Variants in LRRD1 observed in about 807,000 individuals in gnomAD.
LRRD1 encodes leucine-rich repeat and death domain-containing protein 1.
Under a neutral mutation model 69.5 loss-of-function variants are expected in LRRD1, and 49 were observed. The observed-to-expected ratio is 0.70, with a 90% confidence interval of 0.56 to 0.89. The LOEUF (loss-of-function observed/expected upper bound fraction) is 0.89. LRRD1 is among the 40% of genes least tolerant of loss of function. The pLI, the probability that LRRD1 is intolerant of heterozygous loss-of-function variation, is 0.00. For missense variants in LRRD1, 853 were observed against 956.0 expected (o/e 0.89, Z 1.42); for synonymous variants, 303 against 338.9 (o/e 0.89, Z 1.16).
At chr7:92,149,898 C>G in intron 4 of LRRD1, 1 of 456,624 alleles carries the variant, frequency 2.2e-6, no homozygotes, top group Non-Finnish European at 4.4e-6. Flanking sequence ...CAGATTGGAA[C>G]TGACAGATTT....
intron 1 of LRRD1, among the ~76,000 whole-genome samples, chr7:92,173,571 A>G (rs376495116): frequency 6.6e-6 from 1 of 152,350 alleles, no homozygotes; most frequent in East Asian, 1.9e-4. Context: ...CAAGAGGTAT[A>G]TTAAAAAATG....
At position 92,164,939 on chromosome 7, in the gene LRRD1, A is replaced by G; in HGVS notation, c.264T>C (p.Ser88=). 6.4e-7 allele frequency: 1 copy of G among 1,551,512 alleles called. No individual in the cohort carries two copies. The highest frequency in any genetic ancestry group is 8.7e-7 in the Non-Finnish European group (1 of 1,146,930). The change falls in exon 2 of 6, where the codon TCT becomes TCC. Residue 88 remains serine, a synonymous_variant. Transcript: ENST00000458448. ...NEEQKKNLQF[S]ETSTRTGTSQ... is the part of the protein sequence containing the mutation. ...AAGTTCCTGTTCTAGTGCTTGTTTC[A>G]GAAAATTGAAGATTTTTCTTTTGTT...
Position 92,164,375 on chromosome 7 carries a change from C to T in LRRD1, c.828G>A (p.Leu276=), listed in dbSNP as rs1187549755. Residue 276 remains leucine (L), a synonymous_variant, in exon 2 of 6, where the codon CTG becomes CTA. Coordinates refer to ENST00000458448, the MANE Select transcript of LRRD1 (RefSeq NM_001161528.2). ...GAACCCTCAAGGTTTTTAAACTAGG[C>T]AGAGTATCTGGTATATGTCTTAACT... is the stretch of plus-strand genomic sequence containing the variant. ...KNKLRHIPDT[L]PSLKTLRVLN... is the part of the protein sequence containing the mutation. 1 of 1,549,234 alleles carries T rather than the reference C, an allele frequency of 6.5e-7. No homozygotes were observed.
intron 3 of LRRD1, among the ~76,000 whole-genome samples, chr7:92,151,937 G>T (rs1308688802): frequency 6.7e-6 from 1 of 148,704 alleles, no homozygotes; most frequent in Non-Finnish European, 1.5e-5. Flanking sequence ...AGACAAGAGC[G>T]GAACTCCATC....
chr7:92,144,703 A>G (rs185031829), downstream of LRRD1: 2 of 377,528 alleles, frequency 5.3e-6, no homozygotes, highest in African/African-American at 2.1e-5. Context: ...ACAAACACAC[A>G]AAACAGTGTC....
At chr7:92,173,529 T>G (rs945870018) in intron 1 of LRRD1, among the ~76,000 whole-genome samples, 1 of 152,070 alleles carries the variant, frequency 6.6e-6, no homozygotes, top group East Asian at 1.9e-4. Flanking sequence ...AAGTTCTGAA[T>G]AGACATTTCA....
Position 92,164,204 on chromosome 7 carries a change from C to CTTT in LRRD1, c.998_999insAAA (p.Met333delinsIleLys), listed in dbSNP as rs1256071409. 5.8e-6 allele frequency: 9 copies of CTTT among 1,549,112 alleles called. No individual in the cohort carries two copies. In the Admixed American group the frequency reaches 9.9e-5, roughly 17 times the overall value. On this transcript the variant is annotated protein_altering_variant, in exon 2 of 6. Coordinates refer to ENST00000458448, the MANE Select transcript of LRRD1 (RefSeq NM_001161528.2). ...CCAGAAAGGTAAGCTTATTGTGATC[C>CTTT]ATTAAAAGTGTTTCTAAATTTTTAA... is the stretch of plus-strand genomic sequence containing the variant.
At chr7:92,174,960 T>C (rs926824007) in intron 1 of LRRD1, among the ~76,000 whole-genome samples, 1 of 151,800 alleles carries the variant, frequency 6.6e-6, no homozygotes, top group African/African-American at 2.4e-5. Context: ...CCCAGCTACT[T>C]GGGACGCTGA....
At chr7:92,176,660 T>C (rs1403051594) in intron 1 of LRRD1, among the ~76,000 whole-genome samples, 1 of 151,810 alleles carries the variant, frequency 6.6e-6, no homozygotes, top group Non-Finnish European at 1.5e-5. Flanking sequence ...GCCTTCCAGG[T>C]TCAAGTGATT....
In LRRD1 at chr7:92,164,400, T is replaced by G; in HGVS notation, c.803A>C (p.Lys268Thr). 6.5e-7 allele frequency: 1 copy of G among 1,548,510 alleles called. No homozygotes were observed. Among genetic ancestry groups the G allele is most frequent in the Non-Finnish European group, 8.7e-7 (1 of 1,146,072 alleles). ...CAGAGTATCTGGTATATGTCTTAAC[T>G]TATTTTTACCCAAACTTAAAATTTC... The part of the protein sequence containing the change: ...NLEILSLGKN[K>T]LRHIPDTLPS... The change falls in exon 2 of 6, where the codon AAG (lysine) becomes ACG (threonine). Residue 268 changes from lysine to threonine, a missense_variant. By Grantham distance (78) the Lys-to-Thr change is moderately conservative. Transcript: ENST00000458448.
chr7:92,176,810 G>T (rs571509648), intron 1 of LRRD1, among the ~76,000 whole-genome samples: 2 of 151,728 alleles, frequency 1.3e-5, no homozygotes, highest in African/African-American at 4.8e-5. Flanking sequence ...TGATCCACTC[G>T]CCTCAGCCTC....
Position 92,164,490 on chromosome 7 carries a change from T to C in LRRD1, c.713A>G (p.Gln238Arg). The change falls in exon 2 of 6, where the codon CAA becomes CGA. Residue 238 changes from glutamine to arginine, a missense_variant. By Grantham distance (43) the Gln-to-Arg change is conservative. Coordinates refer to ENST00000458448, the MANE Select transcript of LRRD1 (RefSeq NM_001161528.2). Reference sequence around the variant, plus strand: ...AATGTAATTGTTATAAAAAAAGAGTTGTCTGATATTCCCAAGCTGAGATAT... The same window carrying C: ...AATGTAATTGTTATAAAAAAAGAGTCGTCTGATATTCCCAAGCTGAGATAT... The part of the protein sequence containing the change: ...KEISQLGNIR[Q>R]LFFYNNYIEN... 6.5e-7 allele frequency: 1 copy of C among 1,550,116 alleles called. No homozygotes were observed. Among genetic ancestry groups the C allele is most frequent in the Non-Finnish European group, 8.7e-7 (1 of 1,146,080 alleles).
chr7:92,142,368 A>G (rs112071204), downstream of LRRD1: 84 of 440,146 alleles, frequency 1.9e-4, no homozygotes, highest in Non-Finnish European at 3.3e-4. Flanking sequence ...ATCAGACAAC[A>G]TAAACAAGGT....
At chr7:92,143,743 G>A (rs879469742), downstream of LRRD1, among the ~76,000 whole-genome samples, 12 of 152,216 alleles carry the variant, frequency 7.9e-5, no homozygotes, top group Admixed American at 6.5e-4. Context: ...AGCCGGTTCC[G>A]GCCTTGGCCA....
At chr7:92,157,391 T>G (rs562151511) in intron 3 of LRRD1, among the ~76,000 whole-genome samples, 11 of 152,270 alleles carry the variant, frequency 7.2e-5, no homozygotes, top group African/African-American at 2.6e-4. Flanking sequence ...GAATTTTGCA[T>G]CGATGTTCAA....
chr7:92,167,876 C>CAAA (rs542619786), intron 1 of LRRD1, among the ~76,000 whole-genome samples: 881 of 46,264 alleles, frequency 0.019, 64 homozygotes, highest in Non-Finnish European at 0.019. Flanking sequence ...GACTCTGTCT[C>CAAA]AAAAAAAAAA....
Position 92,159,050 on chromosome 7 carries a change from G to T in LRRD1, c.2071C>A (p.Pro691Thr). ...AYNNQISYLP[P>T]SLLSLNDLQQ... ...AGATCATTTAAAGATAGCAAAGATG[G>T]TGGAAGATAACTTATTTGATTATTG... Residue 691 changes from proline to threonine, a missense_variant, in exon 3 of 6, where the codon CCA becomes ACA. Pro to Thr is a conservative substitution (Grantham distance 38). Transcript: ENST00000458448. 1 of 1,546,050 alleles carries T rather than the reference G, an allele frequency of 6.5e-7. No individual in the cohort carries two copies. The highest frequency in any genetic ancestry group is 8.7e-7 in the Non-Finnish European group (1 of 1,145,332).
chr7:92,147,731 T>G (rs933414440), intron 4 of LRRD1, among the ~76,000 whole-genome samples: 3 of 151,602 alleles, frequency 2.0e-5, no homozygotes, highest in Non-Finnish European at 2.9e-5. Context: ...GTACTGTGAG[T>G]TTTTTCTTTT....
In LRRD1 at chr7:92,164,725, T is replaced by C; in HGVS notation, c.478A>G (p.Ile160Val). The C allele has an allele frequency of 6.4e-7, 1 of 1,550,800 alleles. No homozygotes were observed. The highest frequency in any genetic ancestry group is 8.7e-7 in the Non-Finnish European group (1 of 1,146,640). Reference protein sequence around the residue: ...AKGLQEFPKDILKIKYVKYLY... With the variant: ...AKGLQEFPKDVLKIKYVKYLY... ...TATTTTACATATTTGATTTTTAAAA[T>C]GTCCTTAGGAAATTCCTGTAAACCC... Residue 160 changes from isoleucine to valine, a missense_variant, in exon 2 of 6, where the codon ATT (isoleucine) becomes GTT (valine). Transcript: ENST00000458448.
Sources: allele counts gnomAD v4.1 joint callset (sites outside exome capture counted in the v4.1 genomes callset), GRCh38; gene constraint gnomAD v4.1.1; transcripts MANE v1.5; gene names NCBI Gene and HGNC (gene_info 2026-07-23, HGNC 2026-07-21).